The following FAM13A variants were observed in gnomAD, a reference collection of about 807,000 sequenced individuals.
The protein encoded by FAM13A is protein FAM13A.
Under a neutral mutation model 129.6 loss-of-function variants are expected in FAM13A, and 76 were observed. That is an observed-to-expected ratio of 0.59 (90% CI 0.49 to 0.71). FAM13A has a LOEUF of 0.71. Ranked by LOEUF, FAM13A falls within the 30% of genes least tolerant of loss-of-function variation. FAM13A has a pLI of 0.00. For synonymous variants in FAM13A, 443 were observed against 449.9 expected (o/e 0.98, Z 0.20); for missense variants, 1,108 against 1,249.3 (o/e 0.89, Z 1.70).
chr4:88,995,180 G>A (rs1381541954), intron 3 of FAM13A, among the ~76,000 whole-genome samples: 1 of 146,322 alleles, frequency 6.8e-6, no homozygotes, highest in Non-Finnish European at 1.5e-5. Flanking sequence ...TATATTTGTT[G>A]CACAAATATA....
intron 8 of FAM13A, among the ~76,000 whole-genome samples, chr4:88,801,484 A>G (rs1727442664): frequency 6.6e-6 from 1 of 152,212 alleles, no homozygotes; most frequent in South Asian, 2.1e-4. Flanking sequence ...ACTTGGGCTG[A>G]TATTTTAAAA....
chr4:88,751,028 G>T (rs1016962887), intron 14 of FAM13A, among the ~76,000 whole-genome samples: 1 of 152,202 alleles, frequency 6.6e-6, no homozygotes, highest in Non-Finnish European at 1.5e-5. Context: ...GATCACCTGA[G>T]GTCAGGAGTT....
intron 3 of FAM13A, among the ~76,000 whole-genome samples, chr4:89,018,369 A>T (rs10001500): frequency 0.023 from 3,530 of 152,286 alleles, 51 homozygotes; most frequent in Middle Eastern, 0.048. Flanking sequence ...AGAAACCAAC[A>T]CTGCTGGCAC....
intron 3 of FAM13A, among the ~76,000 whole-genome samples, chr4:89,008,346 TAAG>T (rs1377975392): frequency 6.6e-6 from 1 of 151,936 alleles, no homozygotes; most frequent in East Asian, 1.9e-4. Context: ...GGTGTCCCTA[TAAG>T]AAGAGAAAGA....
At chr4:88,986,430 G>A (rs1156556411) in intron 4 of FAM13A, among the ~76,000 whole-genome samples, 2 of 152,154 alleles carry the variant, frequency 1.3e-5, no homozygotes, top group Non-Finnish European at 2.9e-5. Flanking sequence ...CACCGCGCCC[G>A]ACCAATTTTC....
chr4:88,985,463 T>G (rs1762118199), intron 4 of FAM13A, among the ~76,000 whole-genome samples: 1 of 152,154 alleles, frequency 6.6e-6, no homozygotes, highest in African/African-American at 2.4e-5. Context: ...ATAAACGGTG[T>G]CTCAATAAAA....
At chr4:88,872,667 G>C (rs1445584123) in intron 6 of FAM13A, among the ~76,000 whole-genome samples, 3 of 152,174 alleles carry the variant, frequency 2.0e-5, no homozygotes, top group African/African-American at 4.8e-5. Flanking sequence ...AAGAGATGTA[G>C]ACCCCCACAC....
intron 4 of FAM13A, among the ~76,000 whole-genome samples, chr4:88,984,189 A>C (rs12512799): frequency 2.6e-5 from 4 of 151,960 alleles, no homozygotes; most frequent in Admixed American, 2.0e-4. Context: ...GTCATAACTA[A>C]AAAACTCTTA....
intron 3 of FAM13A, among the ~76,000 whole-genome samples, chr4:89,011,314 T>C (rs1765701958): frequency 6.6e-6 from 1 of 152,218 alleles, no homozygotes; most frequent in African/African-American, 2.4e-5. Flanking sequence ...GAGATTATAC[T>C]TGATGTCCCT....
chr4:88,900,639 T>TGAC (rs1430101353), intron 6 of FAM13A, among the ~76,000 whole-genome samples: 1 of 152,110 alleles, frequency 6.6e-6, no homozygotes, highest in Non-Finnish European at 1.5e-5. Context: ...CAAGAGGTCC[T>TGAC]GAAGGAAGCA....
intron 1 of FAM13A, among the ~76,000 whole-genome samples, chr4:89,034,813 C>T (rs1196233217): frequency 2.0e-5 from 3 of 152,070 alleles, no homozygotes; most frequent in East Asian, 1.9e-4. Context: ...ACCTGGGAGG[C>T]GGAGGTTGCA....
intron 10 of FAM13A, among the ~76,000 whole-genome samples, chr4:88,784,647 G>C (rs1578643785): frequency 6.6e-6 from 1 of 151,992 alleles, no homozygotes; most frequent in South Asian, 2.1e-4. Context: ...TTTTAATATA[G>C]TCTTTATATA....
intron 6 of FAM13A, among the ~76,000 whole-genome samples, chr4:88,858,651 ATT>A (rs1003174244): frequency 7.9e-5 from 12 of 152,232 alleles, no homozygotes; most frequent in Non-Finnish European, 1.2e-4. Context: ...AAGGACACAT[ATT>A]GTATAATTCC....
At chr4:88,776,192 T>C (rs1721671300) in intron 11 of FAM13A, among the ~76,000 whole-genome samples, 1 of 152,224 alleles carries the variant, frequency 6.6e-6, no homozygotes, top group Non-Finnish European at 1.5e-5. Context: ...GCCACCACCA[T>C]AATGCAATCA....
chr4:89,037,140 A>C lies in FAM13A; in HGVS notation c.28-7491T>G, dbSNP rs114839762. Among the ~76,000 whole-genome samples the C allele has an allele frequency of 2.4e-3, 368 of 152,310 alleles. 2 individuals are homozygous for C. Among genetic ancestry groups the C allele is most frequent in the African/African-American group, 8.5e-3 (353 of 41,568 alleles). The stretch of plus-strand genomic sequence containing the variant: ...TTCCAAGACCCAGAATGGTAGATCC[A>C]CTGACAGCTTGCATCATGTGCCTGG... On this transcript the variant is annotated intron_variant, in intron 1 of 23. Transcript: ENST00000264344.
chr4:88,855,001 GTTA>G (rs1210012741), intron 6 of FAM13A, among the ~76,000 whole-genome samples: 1 of 152,254 alleles, frequency 6.6e-6, no homozygotes, highest in East Asian at 1.9e-4. Context: ...GTCAAGAGCT[GTTA>G]TTATTATCAT....
intron 10 of FAM13A, among the ~76,000 whole-genome samples, chr4:88,781,844 G>T (rs934810581): frequency 0.056 from 8,235 of 147,506 alleles, 311 homozygotes; most frequent in Non-Finnish European, 0.064. Context: ...CTGTTGTGGG[G>T]TGGGGGGAGC....
intron 21 of FAM13A, among the ~76,000 whole-genome samples, chr4:88,734,800 G>A (rs979804238): frequency 2.2e-4 from 33 of 152,350 alleles, no homozygotes; most frequent in Admixed American, 2.0e-3. Context: ...AAGGTCAGCA[G>A]TGCTGAGGCT....
intron 4 of FAM13A, among the ~76,000 whole-genome samples, chr4:88,944,061 A>T (rs1361339724): frequency 6.6e-6 from 1 of 152,204 alleles, no homozygotes; most frequent in Non-Finnish European, 1.5e-5. Flanking sequence ...TATTTGCATA[A>T]GTTCAATAAG....
Sources: allele counts gnomAD v4.1 joint callset (sites outside exome capture counted in the v4.1 genomes callset), GRCh38; gene constraint gnomAD v4.1.1; transcripts MANE v1.5; gene names NCBI Gene and HGNC (gene_info 2026-07-23, HGNC 2026-07-21).